Variants in SDK1 observed in about 807,000 individuals in gnomAD.
The protein encoded by SDK1 is protein sidekick-1.
In SDK1, 157 loss-of-function variants were observed where a neutral mutation model predicts 245.5. The ratio of observed to expected loss-of-function variants is 0.64; its 90% CI spans 0.56 to 0.73. The LOEUF (loss-of-function observed/expected upper bound fraction) is 0.73, where lower values mean the gene tolerates loss of function less well. SDK1 is among the 30% of genes least tolerant of loss of function. The pLI, the probability that SDK1 is intolerant of heterozygous loss-of-function variation, is 0.00. For missense variants in SDK1, 3,583 were observed against 3,002.3 expected (o/e 1.19, Z -4.52); for synonymous variants, 1,647 against 1,278.5 (o/e 1.29, Z -6.15).
intron 1 of SDK1, among the ~76,000 whole-genome samples, chr7:3,531,761 T>C (rs553102645): frequency 8.7e-4 from 133 of 152,356 alleles, no homozygotes; most frequent in Non-Finnish European, 1.5e-3. Flanking sequence ...TGATTTTGGG[T>C]TACTATTTAT....
intron 4 of SDK1, among the ~76,000 whole-genome samples, chr7:3,756,730 C>CT (rs1381437746): frequency 6.6e-6 from 1 of 152,086 alleles, no homozygotes; most frequent in Non-Finnish European, 1.5e-5. Context: ...AACTTTGACC[C>CT]TTTTGAAGAG....
intron 1 of SDK1, among the ~76,000 whole-genome samples, chr7:3,468,241 C>G (rs1173071023): frequency 2.0e-5 from 3 of 152,038 alleles, no homozygotes; most frequent in African/African-American, 7.2e-5. Context: ...ATGTGATTCT[C>G]TCATGTCCAG....
Position 4,169,049 on chromosome 7 carries a change from C to A in SDK1, c.4801-5173C>A, listed in dbSNP as rs1027062516. ...GCATGTGCTGGGTGAGAGCCATTAG[C>A]GGGGACCTGTTGCTGTGTGGTTGTC... On this transcript the variant is annotated intron_variant, in intron 32 of 44. Coordinates refer to ENST00000404826, the MANE Select transcript of SDK1 (RefSeq NM_152744.4). Among the ~76,000 whole-genome samples the A allele has an allele frequency of 4.6e-5, 7 of 152,290 alleles. No homozygotes were observed. The East Asian group carries it at 1.4e-3, about 29-fold the overall frequency.
In SDK1 at chr7:3,591,718, C is replaced by G. The variant is rs140577159; in HGVS notation, c.299-27362C>G. ...GGAAGCTATTTGTATTCTTTGCACT[C>G]GTGTGGGGCATGTGTGTATATGTGC... On this transcript the variant is annotated intron_variant, in intron 1 of 44. Coordinates refer to ENST00000404826, the MANE Select transcript of SDK1 (RefSeq NM_152744.4). 1.6e-3 allele frequency among the ~76,000 whole-genome samples: 240 copies of G among 152,272 alleles called. 1 individual carries two copies. Among genetic ancestry groups the G allele is most frequent in the African/African-American group, 5.5e-3 (227 of 41,544 alleles).
chr7:3,458,427 C>A (rs906928933), intron 1 of SDK1, among the ~76,000 whole-genome samples: 1 of 151,978 alleles, frequency 6.6e-6, no homozygotes, highest in African/African-American at 2.4e-5. Flanking sequence ...AAATGAACTC[C>A]TTCTATGTGG....
rs529750191 is a variant in SDK1 at position 3,909,930 on chromosome 7, G to A, written c.848-40993G>A. Among the ~76,000 whole-genome samples, 226 of 152,240 alleles carry A rather than the reference G, an allele frequency of 1.5e-3. 3 individuals are homozygous for A. The highest frequency in any genetic ancestry group is 2.4e-4 in the Non-Finnish European group (16 of 68,016). On this transcript the variant is annotated intron_variant, in intron 5 of 44. Transcript: ENST00000404826. ...GGATTATTATGCATCTACACCCCGG[G>A]GAAGTGAATATTTCATGTTAGAAAA...
At chr7:3,778,047 T>A (rs900027811) in intron 4 of SDK1, among the ~76,000 whole-genome samples, 8 of 152,226 alleles carry the variant, frequency 5.3e-5, no homozygotes, top group Admixed American at 4.6e-4. Context: ...TGTTGGTTAT[T>A]GTCTTGCCTT....
intron 1 of SDK1, among the ~76,000 whole-genome samples, chr7:3,492,593 C>T (rs1781897928): frequency 6.6e-6 from 1 of 152,208 alleles, no homozygotes; most frequent in Non-Finnish European, 1.5e-5. Flanking sequence ...GGGCAACAAG[C>T]AGTTCTTCAG....
At chr7:3,304,017 C>A (rs961570376) in intron 1 of SDK1, among the ~76,000 whole-genome samples, 1 of 152,182 alleles carries the variant, frequency 6.6e-6, no homozygotes, top group Middle Eastern at 3.2e-3. Flanking sequence ...AATTTCTCTG[C>A]ACCTCATGTA....
chr7:4,183,695 C>G lies in SDK1; in HGVS notation c.5098+5109C>G, dbSNP rs576083453. 1.1e-3 allele frequency among the ~76,000 whole-genome samples: 167 copies of G among 151,904 alleles called. 2 individuals are homozygous for G. The highest frequency in any genetic ancestry group is 3.8e-3 in the African/African-American group (157 of 41,420). ...TTATATTTTAGCCGAGTTCAGGCTTCTCCCATACTCCTAATCTCTCAGCCT... is the reference window on the plus strand; with the variant it reads ...TTATATTTTAGCCGAGTTCAGGCTTGTCCCATACTCCTAATCTCTCAGCCT... On this transcript the variant is annotated intron_variant, in intron 35 of 44. Coordinates refer to ENST00000404826, the MANE Select transcript of SDK1 (RefSeq NM_152744.4).
chr7:3,445,254 T>C (rs1562490469), intron 1 of SDK1, among the ~76,000 whole-genome samples: 1 of 152,166 alleles, frequency 6.6e-6, no homozygotes, highest in Non-Finnish European at 1.5e-5. Flanking sequence ...AAAACTTATA[T>C]GCATTTGGGT....
At chr7:3,805,804 G>A (rs191949574) in intron 4 of SDK1, among the ~76,000 whole-genome samples, 114 of 152,160 alleles carry the variant, frequency 7.5e-4, no homozygotes, top group Middle Eastern at 3.4e-3. Flanking sequence ...TATTGTCAAG[G>A]CAATTCAGAT....
intron 1 of SDK1, among the ~76,000 whole-genome samples, chr7:3,575,448 C>A (rs925248927): frequency 6.6e-6 from 1 of 151,914 alleles, no homozygotes; most frequent in Non-Finnish European, 1.5e-5. Flanking sequence ...TGGGGGGACA[C>A]AAACATCAGT....
chr7:3,494,907 C>T (rs1297137686), intron 1 of SDK1, among the ~76,000 whole-genome samples: 2 of 152,142 alleles, frequency 1.3e-5, no homozygotes, highest in African/African-American at 4.8e-5. Flanking sequence ...AATGTGTCTC[C>T]TTCTCTCTAT....
chr7:3,931,411 T>C (rs745882960), intron 5 of SDK1, among the ~76,000 whole-genome samples: 1 of 152,224 alleles, frequency 6.6e-6, no homozygotes, highest in Non-Finnish European at 1.5e-5. Context: ...GTGTCATCTT[T>C]GAGAATGACA....
intron 1 of SDK1, among the ~76,000 whole-genome samples, chr7:3,450,801 T>A (rs556226029): frequency 1.3e-5 from 2 of 152,112 alleles, no homozygotes; most frequent in African/African-American, 4.8e-5. Context: ...ATGGAATAAT[T>A]GCATGAAGAG....
intron 19 of SDK1, among the ~76,000 whole-genome samples, chr7:4,060,541 G>C (rs1040087424): frequency 6.6e-6 from 1 of 151,792 alleles, no homozygotes; most frequent in African/African-American, 2.4e-5. Flanking sequence ...CTGGATATTA[G>C]CCCTTTGTCA....
At chr7:3,558,056 A>G (rs1257079480) in intron 1 of SDK1, among the ~76,000 whole-genome samples, 2 of 140,770 alleles carry the variant, frequency 1.4e-5, no homozygotes, top group East Asian at 4.1e-4. Context: ...AAGTATTCAC[A>G]GTTATAGTCC....
At chr7:4,207,657 G>A (rs954745152) in intron 36 of SDK1, among the ~76,000 whole-genome samples, 19 of 151,998 alleles carry the variant, frequency 1.3e-4, no homozygotes, top group African/African-American at 4.4e-4. Flanking sequence ...TCCATAGCTC[G>A]GAGCAGGGGG....
Sources: allele counts gnomAD v4.1 joint callset (sites outside exome capture counted in the v4.1 genomes callset), GRCh38; gene constraint gnomAD v4.1.1; transcripts MANE v1.5; gene names NCBI Gene and HGNC (gene_info 2026-07-23, HGNC 2026-07-21).